RTL4: variants seen among roughly 807,000 people sequenced by gnomAD.
RTL4 encodes the protein retrotransposon Gag-like protein 4.
RTL4 carries 4 observed loss-of-function variants against 5.3 expected under a neutral mutation model. The observed-to-expected ratio is 0.75, with a 90% CI of 0.37 to 1.72. The LOEUF (loss-of-function observed/expected upper bound fraction) is 1.72. Ranked by LOEUF, RTL4 falls within the 40% of genes most tolerant of loss-of-function variation. The probability of loss-of-function intolerance (pLI) is 0.04; values close to 1 mark genes in which losing one functional copy is unlikely to be tolerated. For synonymous variants in RTL4, 98 were observed against 87.3 expected, an observed-to-expected ratio of 1.12 and a Z score of -0.68; for missense variants, 260 against 227.1, an observed-to-expected ratio of 1.14 and a Z score of -0.93.
the RTL4 span, among the ~76,000 whole-genome samples, chrX:112,419,720 T>C: frequency 1.2e-5 from 1 of 82,698 alleles, no homozygotes; most frequent in African/African-American, 4.0e-5. Flanking sequence ...GCTAAGACTC[T>C]TGTAACAATA....
the RTL4 span, among the ~76,000 whole-genome samples, chrX:112,310,410 A>T: frequency 1.8e-4 from 4 of 22,504 alleles, no homozygotes; most frequent in East Asian, 9.0e-3. Flanking sequence ...ATATATATAT[A>T]TATATTTAAT....
chrX:112,232,040 G>A, the RTL4 span, among the ~76,000 whole-genome samples: 1 of 112,096 alleles, frequency 8.9e-6, no homozygotes, highest in Admixed American at 9.5e-5. Flanking sequence ...CCAGAAGCTC[G>A]TGTAGATGAG....
At chrX:112,162,460 G>A in the RTL4 span, among the ~76,000 whole-genome samples, 1 of 111,712 alleles carries the variant, frequency 9.0e-6, no homozygotes, top group African/African-American at 3.3e-5. Flanking sequence ...CCTTGCACAG[G>A]TCCCCATTAA....
the RTL4 span, among the ~76,000 whole-genome samples, chrX:112,307,316 T>C: frequency 6.3e-5 from 7 of 111,888 alleles, no homozygotes; most frequent in Non-Finnish European, 1.1e-4. Context: ...AAGGTTAACT[T>C]GTCCAAGTCA....
the RTL4 span, among the ~76,000 whole-genome samples, chrX:112,094,743 G>A: frequency 9.0e-6 from 1 of 111,670 alleles, no homozygotes; most frequent in Non-Finnish European, 1.9e-5. Flanking sequence ...TTTCAAGAGA[G>A]AGTAATCGAC....
chrX:112,251,078 T>G, the RTL4 span, among the ~76,000 whole-genome samples: 1 of 111,720 alleles, frequency 9.0e-6, no homozygotes, highest in African/African-American at 3.3e-5. Flanking sequence ...AACAACTCAT[T>G]TAGTCCTCAA....
the RTL4 span, among the ~76,000 whole-genome samples, chrX:112,219,327 A>G: frequency 7.1e-5 from 8 of 112,338 alleles, no homozygotes; most frequent in Admixed American, 7.6e-4. Flanking sequence ...ATTGCCATGC[A>G]TTGAAGTTCA....
chrX:112,137,568 C>T, the RTL4 span, among the ~76,000 whole-genome samples: 2 of 111,147 alleles, frequency 1.8e-5, no homozygotes, highest in African/African-American at 6.5e-5. Context: ...TAGAAGAAAC[C>T]ACCCCCATGA....
At chrX:112,309,873 CATAT>C in the RTL4 span, among the ~76,000 whole-genome samples, 3 of 102,574 alleles carry the variant, frequency 2.9e-5, no homozygotes, top group African/African-American at 1.1e-4. Context: ...TATATACATA[CATAT>C]ATATACACAC....
At chrX:112,194,814 G>A in the RTL4 span, among the ~76,000 whole-genome samples, 1 of 111,928 alleles carries the variant, frequency 8.9e-6, no homozygotes, top group East Asian at 2.8e-4. Flanking sequence ...GATAACTACG[G>A]AAGTACTAAC....
chrX:112,376,349 G>C, the RTL4 span, among the ~76,000 whole-genome samples: 1 of 111,504 alleles, frequency 9.0e-6, no homozygotes, highest in Non-Finnish European at 1.9e-5. Context: ...CTCACTCCCA[G>C]TTGAAGTGGG....
the RTL4 span, among the ~76,000 whole-genome samples, chrX:112,419,421 C>T: frequency 4.1e-5 from 3 of 72,646 alleles, no homozygotes; most frequent in African/African-American, 1.6e-4. Context: ...AGTGTAATGG[C>T]GCAATCTCAG....
the RTL4 span, among the ~76,000 whole-genome samples, chrX:112,441,479 C>T: frequency 1.8e-5 from 2 of 111,665 alleles, no homozygotes; most frequent in African/African-American, 6.5e-5. Flanking sequence ...TGGCTCATGG[C>T]CCTTCAAGAG....
downstream of RTL4, among the ~76,000 whole-genome samples, chrX:112,457,267 A>G (rs990986164): frequency 8.9e-6 from 1 of 112,141 alleles, no homozygotes; most frequent in Non-Finnish European, 1.9e-5. Context: ...CCACTGTAAC[A>G]ATTCTTATTT....
the RTL4 span, among the ~76,000 whole-genome samples, chrX:112,432,868 G>T: frequency 9.0e-6 from 1 of 111,388 alleles, no homozygotes; most frequent in African/African-American, 3.3e-5. Context: ...GTTTTAAGTC[G>T]AATGTTTAAG....
chrX:112,237,033 G>C, the RTL4 span, among the ~76,000 whole-genome samples: 1 of 111,208 alleles, frequency 9.0e-6, no homozygotes, highest in Non-Finnish European at 1.9e-5. Flanking sequence ...AGAAAAGGAG[G>C]CAGCCCCTAG....
the RTL4 span, among the ~76,000 whole-genome samples, chrX:112,253,272 T>C: frequency 3.1e-5 from 3 of 96,511 alleles, no homozygotes; most frequent in African/African-American, 1.4e-4. Context: ...AATGAGTCTA[T>C]TGCAAGCTGT....
the RTL4 span, among the ~76,000 whole-genome samples, chrX:112,412,871 AC>A: frequency 8.9e-6 from 1 of 111,777 alleles, no homozygotes; most frequent in African/African-American, 3.2e-5. Flanking sequence ...ACAGTAAGTT[AC>A]AAAGCTTCTG....
At chrX:112,113,901 C>G in the RTL4 span, among the ~76,000 whole-genome samples, 1 of 111,578 alleles carries the variant, frequency 9.0e-6, no homozygotes, top group Admixed American at 9.5e-5. Flanking sequence ...TTTCTCTGAT[C>G]TCGCTTTTCC....
Sources: gnomAD v4.1 joint callset for allele counts (sites outside exome capture counted in the v4.1 genomes callset) on GRCh38, gnomAD v4.1.1 for gene constraint, MANE v1.5 for transcripts, NCBI Gene and HGNC (gene_info 2026-07-23, HGNC 2026-07-21) for gene names.